RFX3: variants seen among roughly 807,000 people sequenced by gnomAD.
RFX3 encodes regulatory factor X3.
Under a neutral mutation model 98.6 loss-of-function variants are expected in RFX3, and 14 were observed. The observed-to-expected ratio is 0.14, with a 90% CI of 0.09 to 0.22. The LOEUF (loss-of-function observed/expected upper bound fraction) is 0.22. RFX3 is among the 10% of genes least tolerant of loss of function. The pLI is 1.00. For synonymous variants in RFX3, 383 were observed against 328.4 expected (o/e 1.17, Z -1.80); for missense variants, 639 against 926.9 (o/e 0.69, Z 4.03).
chr9:3,383,312 A>C (rs985267864), intron 2 of RFX3, among the ~76,000 whole-genome samples: 1 of 152,066 alleles, frequency 6.6e-6, no homozygotes, highest in Non-Finnish European at 1.5e-5. Context: ...TTGCTTTACT[A>C]CTTTTGCTTG....
chr9:3,490,380 T>C (rs978306658), intron 1 of RFX3: 18 of 866,792 alleles, frequency 2.1e-5, no homozygotes, highest in Non-Finnish European at 2.5e-5. Flanking sequence ...TTAGTTCACA[T>C]TAAAAATGAA....
chr9:3,515,180 T>G (rs1818034303), intron 1 of RFX3, among the ~76,000 whole-genome samples: 1 of 152,212 alleles, frequency 6.6e-6, no homozygotes, highest in Non-Finnish European at 1.5e-5. Flanking sequence ...ACCTTGCTTA[T>G]GAACTAGATT....
chr9:3,348,209 T>C, intron 2 of RFX3, among the ~76,000 whole-genome samples: 1 of 152,224 alleles, frequency 6.6e-6, no homozygotes, highest in East Asian at 1.9e-4. Context: ...AAATGTCATT[T>C]AATAAGTTCC....
intron 9 of RFX3, among the ~76,000 whole-genome samples, chr9:3,274,821 GT>G (rs977652830): frequency 7.9e-5 from 12 of 151,234 alleles, no homozygotes; most frequent in African/African-American, 2.9e-4. Context: ...ACATTTTCTT[GT>G]TCTTTCTCCT....
At chr9:3,431,694 T>A (rs1424368943) in intron 1 of RFX3, among the ~76,000 whole-genome samples, 1 of 152,164 alleles carries the variant, frequency 6.6e-6, no homozygotes, top group East Asian at 1.9e-4. Context: ...AGCTGGAGAA[T>A]TTAATGCCAG....
chr9:3,341,852 A>T (rs1431189294), intron 3 of RFX3, among the ~76,000 whole-genome samples: 1 of 152,204 alleles, frequency 6.6e-6, no homozygotes, highest in Admixed American at 6.5e-5. Flanking sequence ...TAGAAGCATA[A>T]ATGAAGAAAG....
intron 13 of RFX3, among the ~76,000 whole-genome samples, chr9:3,258,573 C>T (rs1009411905): frequency 1.3e-5 from 2 of 151,934 alleles, no homozygotes; most frequent in Non-Finnish European, 2.9e-5. Context: ...CTTTTTTCCT[C>T]TTATCTAATT....
chr9:3,494,783 T>C (rs1226904015), intron 1 of RFX3, among the ~76,000 whole-genome samples: 1 of 152,140 alleles, frequency 6.6e-6, no homozygotes, highest in African/African-American at 2.4e-5. Context: ...AGAAGACAGA[T>C]TCTCACATCT....
chr9:3,407,494 G>A (rs923586963), intron 1 of RFX3, among the ~76,000 whole-genome samples: 4 of 151,964 alleles, frequency 2.6e-5, no homozygotes, highest in African/African-American at 4.8e-5. Flanking sequence ...CATATAACTA[G>A]AAATAGGCAG....
chr9:3,271,181 G>C, intron 9 of RFX3, 63 bp from the exon 10 acceptor site: 2 of 1,399,618 alleles, frequency 1.4e-6, no homozygotes, highest in Non-Finnish European at 2.0e-6. Context: ...TGTGAGGACA[G>C]TCTAACATGA....
chr9:3,282,047 C>T (rs907234406), intron 7 of RFX3, among the ~76,000 whole-genome samples: 2 of 151,752 alleles, frequency 1.3e-5, no homozygotes, highest in African/African-American at 2.4e-5. Flanking sequence ...AGAAATTACA[C>T]AATCATTTTA....
chr9:3,258,575 T>C (rs1205451971), intron 13 of RFX3, among the ~76,000 whole-genome samples: 1 of 152,050 alleles, frequency 6.6e-6, no homozygotes, highest in Non-Finnish European at 1.5e-5. Flanking sequence ...TTTTTCCTCT[T>C]ATCTAATTAA....
At chr9:3,240,114 T>C (rs757945284) in intron 15 of RFX3, among the ~76,000 whole-genome samples, 1 of 152,252 alleles carries the variant, frequency 6.6e-6, no homozygotes, top group Non-Finnish European at 1.5e-5. Context: ...GCTGGCTATG[T>C]CTATGTCAAT....
chr9:3,506,884 A>C (rs931424312), intron 1 of RFX3, among the ~76,000 whole-genome samples: 1 of 151,966 alleles, frequency 6.6e-6, no homozygotes, highest in Admixed American at 6.6e-5. Flanking sequence ...AAAGAAGTAA[A>C]TAAATCCAAT....
intron 12 of RFX3, among the ~76,000 whole-genome samples, chr9:3,263,861 A>T (rs1823247961): frequency 6.6e-6 from 1 of 152,168 alleles, no homozygotes; most frequent in Non-Finnish European, 1.5e-5. Context: ...GATGGGAAGA[A>T]AGAGCGGTTA....
At chr9:3,263,796 T>C (rs544498576) in intron 12 of RFX3, among the ~76,000 whole-genome samples, 1 of 152,278 alleles carries the variant, frequency 6.6e-6, no homozygotes, top group African/African-American at 2.4e-5. Context: ...TCCCCTCTTG[T>C]TCTCTGGCTT....
At chr9:3,420,803 G>C in intron 1 of RFX3, 1 of 984,964 alleles carries the variant, frequency 1.0e-6, no homozygotes, top group Non-Finnish European at 1.2e-6. Flanking sequence ...TTCATTCCTG[G>C]TTCTTTTCTT....
chr9:3,252,849 T>C (rs1004105349), intron 14 of RFX3, among the ~76,000 whole-genome samples: 5 of 152,236 alleles, frequency 3.3e-5, no homozygotes, highest in Admixed American at 2.0e-4. Context: ...ATTTAAAAAA[T>C]ACTGACATGT....
At chr9:3,510,620 CTTTGATTTT>C (rs1292552654) in intron 1 of RFX3, among the ~76,000 whole-genome samples, 1 of 152,100 alleles carries the variant, frequency 6.6e-6, no homozygotes, top group East Asian at 1.9e-4. Context: ...TAAAATTATA[CTTTGATTTT>C]AAGTACAAGG....
Sources: gnomAD v4.1 joint callset for allele counts (sites outside exome capture counted in the v4.1 genomes callset) on GRCh38, gnomAD v4.1.1 for gene constraint, MANE v1.5 for transcripts, NCBI Gene and HGNC (gene_info 2026-07-23, HGNC 2026-07-21) for gene names.